NUP98: variants seen among roughly 807,000 people sequenced by gnomAD.
The protein encoded by NUP98 is nuclear pore complex protein Nup98-Nup96.
In NUP98, 26 loss-of-function variants were observed where a neutral mutation model predicts 191.9. The observed-to-expected ratio is 0.14, with a 90% CI of 0.10 to 0.19. The LOEUF (loss-of-function observed/expected upper bound fraction) is 0.19. Ranked by LOEUF, NUP98 falls within the 10% of genes least tolerant of loss-of-function variation. NUP98 has a pLI of 1.00. For synonymous variants in NUP98, 808 were observed against 778.4 expected (o/e 1.04, Z -0.63); for missense variants, 1,941 against 2,178.8 (o/e 0.89, Z 2.17).
chr11:3,735,351 A>AATAT (rs144227838), intron 12 of NUP98, 27 bp from the exon 13 acceptor site: 596 of 1,079,258 alleles, frequency 5.5e-4, no homozygotes, highest in Middle Eastern at 1.0e-3. Flanking sequence ...AAGAAAACAA[A>AATAT]ATATATATAT....
chr11:3,774,343 C>T (rs902875336), intron 5 of NUP98, among the ~76,000 whole-genome samples: 6 of 151,996 alleles, frequency 3.9e-5, no homozygotes, highest in Non-Finnish European at 8.8e-5. Flanking sequence ...ATCCGAGAAG[C>T]GGAGGTTGCA....
chr11:3,759,511 C>A (rs11029663), intron 10 of NUP98, among the ~76,000 whole-genome samples: 1 of 151,972 alleles, frequency 6.6e-6, no homozygotes, highest in African/African-American at 2.4e-5. Flanking sequence ...GCAGGAGAAT[C>A]GCTTGAACCC....
In NUP98 at chr11:3,702,540, G is replaced by A. The variant is rs1411465549; in HGVS notation, c.3435C>T (p.Gly1145=). ...TCTGATGATTTTCTAGTTCATGAGA[G>A]CCATTCAGCTGTTCTCCACTATTAG... is the stretch of plus-strand genomic sequence containing the variant. The part of the protein sequence containing the change: ...TLANSGEQLN[G]SHELENHQIA... The change falls in exon 23 of 33, where the codon GGC becomes GGT. Residue 1145 remains glycine (G), a synonymous_variant. Coordinates refer to ENST00000324932, the MANE Select transcript of NUP98 (RefSeq NM_016320.5). 5 of 1,614,104 alleles carry A rather than the reference G, an allele frequency of 3.1e-6. No individual in the cohort carries two copies. Among genetic ancestry groups the A allele is most frequent in the South Asian group, 1.1e-5 (1 of 91,080 alleles).
intron 18 of NUP98, among the ~76,000 whole-genome samples, chr11:3,718,543 GAAAGAAAGA>G (rs1267447952): frequency 2.0e-5 from 3 of 150,836 alleles, no homozygotes; most frequent in African/African-American, 7.3e-5. Context: ...CTCAAAAGAA[GAAAGAAAGA>G]AAAGAAAGAA....
chr11:3,695,374 C>T (rs2078467508), intron 26 of NUP98, 75 bp downstream of exon 26: 4 of 1,336,146 alleles, frequency 3.0e-6, no homozygotes, highest in African/African-American at 1.5e-5. Context: ...AAAGATCACT[C>T]CTTGCCTCAA....
intron 10 of NUP98, among the ~76,000 whole-genome samples, chr11:3,757,492 CAAACAAAACA>C (rs1015230108): frequency 2.0e-5 from 3 of 150,606 alleles, no homozygotes; most frequent in Non-Finnish European, 3.0e-5. Context: ...CCCCAAAAAA[CAAACAAAACA>C]AAACAAAACA....
At chr11:3,752,103 C>T (rs1277244849) in intron 11 of NUP98, among the ~76,000 whole-genome samples, 1 of 150,234 alleles carries the variant, frequency 6.7e-6, no homozygotes, top group East Asian at 2.0e-4. Flanking sequence ...GAGATTATGC[C>T]ACTGCACTCC....
At chr11:3,684,588 T>TA (rs941605718) in intron 29 of NUP98, among the ~76,000 whole-genome samples, 32 of 151,928 alleles carry the variant, frequency 2.1e-4, no homozygotes, top group South Asian at 1.0e-3. Flanking sequence ...TAAATAAACT[T>TA]AAAAAAATAG....
At chr11:3,740,824 A>T (rs2599734) in intron 12 of NUP98, among the ~76,000 whole-genome samples, 75,474 of 147,772 alleles carry the variant, frequency 0.51, 19,458 homozygotes, top group African/African-American at 0.59. Context: ...ATATATATAT[A>T]TTTTTTTTTT....
At chr11:3,776,612 G>C (rs1468259054) in intron 4 of NUP98, among the ~76,000 whole-genome samples, 1 of 151,528 alleles carries the variant, frequency 6.6e-6, no homozygotes, top group Non-Finnish European at 1.5e-5. Context: ...AGCCTCCTGA[G>C]TAGCTGGGAC....
intron 11 of NUP98, among the ~76,000 whole-genome samples, chr11:3,748,208 G>C (rs1270869524): frequency 6.6e-6 from 1 of 152,170 alleles, no homozygotes; most frequent in Non-Finnish European, 1.5e-5. Flanking sequence ...TTGGAATATG[G>C]GGGAAGACAT....
chr11:3,703,312 G>A lies in NUP98; in HGVS notation c.3083-420C>T, dbSNP rs182195088. On this transcript the variant is annotated intron_variant, in intron 22 of 32. Coordinates refer to ENST00000324932, the MANE Select transcript of NUP98 (RefSeq NM_016320.5). ...GCTCACTGCAACCTCTGCCTCCTGG[G>A]TTCAAGCAATTCTCTGCCTCAGCCT... Among the ~76,000 whole-genome samples, 761 of 151,806 alleles carry A rather than the reference G, an allele frequency of 5.0e-3. 3 individuals carry two copies. The highest frequency in any genetic ancestry group is 8.0e-3 in the Non-Finnish European group (545 of 67,958).
Position 3,676,169 on chromosome 11 carries a change from C to G in NUP98, c.5393G>C (p.Gly1798Ala). 3 of 1,613,890 alleles carry G rather than the reference C, an allele frequency of 1.9e-6. No individual in the cohort carries two copies. Among genetic ancestry groups the G allele is most frequent in the East Asian group, 4.5e-5 (2 of 44,862 alleles). The change falls in exon 33 of 33, where the codon GGG becomes GCG. Residue 1798 changes from glycine (G) to alanine (A), a missense_variant. Physicochemically the swap from Gly to Ala is moderately conservative, Grantham distance 60 (BLOSUM62 0). Around this residue, in one of 6 missense-constraint regions of NUP98, gnomAD observed 1,030 missense variants for 1,115.8 expected, o/e 0.92. Coordinates refer to ENST00000324932, the MANE Select transcript of NUP98 (RefSeq NM_016320.5). ...TQSYLRELAV[G>A]SL ...CAAAGTGCCTGGGGCTCACAGGCTC[C>G]CAACAGCCAGTTCTCGCAGATAGGA...
intron 1 of NUP98, among the ~76,000 whole-genome samples, chr11:3,795,338 T>C (rs1480444881): frequency 3.9e-5 from 6 of 152,098 alleles, no homozygotes; most frequent in Admixed American, 1.3e-4. Flanking sequence ...CTCAGCTACT[T>C]GGGAGGCTGA....
chr11:3,731,545 C>A lies in NUP98; in HGVS notation c.1576G>T (p.Ala526Ser). The change falls in exon 14 of 33, where the codon GCT becomes TCT. Residue 526 changes from alanine (A) to serine (S), a missense_variant. Transcript: ENST00000324932. ...TTATAATGAGTAGGTGTAGTAAGAG[C>A]CTTCTGGGCTGCTGGATTTGTTGGT... The part of the protein sequence containing the change: ...LKPTNPAAQK[A>S]LTTPTHYKLT... The A allele has an allele frequency of 6.3e-7, 1 of 1,577,308 alleles. No individual in the cohort carries two copies. Among genetic ancestry groups the A allele is most frequent in the Non-Finnish European group, 8.6e-7 (1 of 1,164,072 alleles).
chr11:3,693,342 C>A lies in NUP98; in HGVS notation c.4201G>T (p.Val1401Leu), dbSNP rs924307529. The A allele has an allele frequency of 6.2e-7, 1 of 1,614,118 alleles. No individual in the cohort carries two copies. Among genetic ancestry groups the A allele is most frequent in the Non-Finnish European group, 8.5e-7 (1 of 1,180,012 alleles). ...CGTTTCCAATCCAACTGGGAGCACA[C>A]GTTTATTTGCTTCTTTTCTGAGAGC... ...WQLSEKKQIN[V>L]CSQLDWKRSL... Residue 1401 changes from valine to leucine, a missense_variant, in exon 27 of 33, where the codon GTG becomes TTG. By Grantham distance (32) the Val-to-Leu change is conservative. Coordinates refer to ENST00000324932, the MANE Select transcript of NUP98 (RefSeq NM_016320.5).
chr11:3,681,280 A>T (rs1221170724), intron 30 of NUP98, among the ~76,000 whole-genome samples: 7 of 152,146 alleles, frequency 4.6e-5, no homozygotes, highest in Non-Finnish European at 7.3e-5. Context: ...GGGCTCAAGC[A>T]ATCTGCCGCT....
chr11:3,724,164 G>A (rs1420751165), intron 15 of NUP98, among the ~76,000 whole-genome samples: 1 of 152,016 alleles, frequency 6.6e-6, no homozygotes, highest in Admixed American at 6.6e-5. Context: ...GGGTGTGGTG[G>A]ATAACGCTTG....
intron 27 of NUP98, among the ~76,000 whole-genome samples, 153 bp from the exon 28 acceptor site, chr11:3,691,642 T>C (rs1257027296): frequency 6.6e-6 from 1 of 151,970 alleles, no homozygotes; most frequent in Non-Finnish European, 1.5e-5. Flanking sequence ...CAACCTCCGC[T>C]TCCCAGATTC....
Sources: allele counts gnomAD v4.1 joint callset (sites outside exome capture counted in the v4.1 genomes callset), GRCh38; gene constraint gnomAD v4.1.1; regional missense constraint gnomAD v4.1.1; transcripts MANE v1.5; gene names NCBI Gene and HGNC (gene_info 2026-07-23, HGNC 2026-07-21).